The following SGPP2 variants were observed in gnomAD, a reference collection of about 807,000 sequenced individuals.
SGPP2 encodes sphingosine-1-phosphate phosphatase 2, also known as sphingosine 1-phosphate phosphohydrolase 2.
Under a neutral mutation model 33.9 loss-of-function variants are expected in SGPP2, and 30 were observed. That is an observed-to-expected ratio of 0.89 (90% CI 0.66 to 1.20). The LOEUF (loss-of-function observed/expected upper bound fraction) is 1.20, where lower values mean the gene tolerates loss of function less well. Among genes scored for constraint, SGPP2 ranks in the 50% most tolerant of loss-of-function variants. The pLI is 0.00. For missense variants in SGPP2, 458 were observed against 532.1 expected, an observed-to-expected ratio of 0.86 and a Z score of 1.37; for synonymous variants, 233 against 225.0, an observed-to-expected ratio of 1.04 and a Z score of -0.32.
chr2:222,525,255 A>G (rs1698741466), intron 4 of SGPP2, among the ~76,000 whole-genome samples: 1 of 152,256 alleles, frequency 6.6e-6, no homozygotes. Context: ...CTGAACCCTC[A>G]AGATTTTGAA....
chr2:222,484,949 C>G (rs886410979), intron 2 of SGPP2, among the ~76,000 whole-genome samples: 2 of 152,122 alleles, frequency 1.3e-5, no homozygotes, highest in African/African-American at 4.8e-5. Flanking sequence ...GCAAAGCTGC[C>G]GTCTTGAATT....
chr2:222,536,471 G>A (rs1698916743), intron 4 of SGPP2, among the ~76,000 whole-genome samples: 1 of 152,168 alleles, frequency 6.6e-6, no homozygotes, highest in Non-Finnish European at 1.5e-5. Flanking sequence ...CCTGAGGTCA[G>A]GAGTTCGAGA....
At chr2:222,535,377 CAA>C (rs59455252) in intron 4 of SGPP2, among the ~76,000 whole-genome samples, 58 of 106,806 alleles carry the variant, frequency 5.4e-4, no homozygotes, top group East Asian at 2.6e-3. Flanking sequence ...GACTCTGTCT[CAA>C]AAAAAAAAAA....
rs2106099305 is a variant in SGPP2, at chr2:222,477,549, G to T, written c.378+2823G>T. On this transcript the variant is annotated intron_variant, in intron 2 of 4. Coordinates refer to ENST00000321276, the MANE Select transcript of SGPP2 (RefSeq NM_152386.4). This position sits in a 1 kb window ranked among gnomAD's most constrained non-coding sequence, Gnocchi z 6.0. The stretch of plus-strand genomic sequence containing the variant: ...TATATATGTGTATTTGTGTTTATAG[G>T]TGTGTATATATGTGTGAGTGTATGT... Among the ~76,000 whole-genome samples, 1 of 151,870 alleles carries T rather than the reference G, an allele frequency of 6.6e-6. No individual in the cohort carries two copies. Among genetic ancestry groups the T allele is most frequent in the South Asian group, 2.1e-4 (1 of 4,812 alleles).
rs1053362312 is a variant in SGPP2, at chr2:222,478,275, G to A, written c.378+3549G>A. ...CGTGTATGTGCATGCATTTGTGTGT[G>A]TGTGTGTGTGTGTGTGTGTGTATAC... On this transcript the variant is annotated intron_variant, in intron 2 of 4. Coordinates refer to ENST00000321276, the MANE Select transcript of SGPP2 (RefSeq NM_152386.4). Among the ~76,000 whole-genome samples the A allele has an allele frequency of 4.4e-4, 66 of 150,902 alleles. 1 individual carries two copies. Among genetic ancestry groups the A allele is most frequent in the African/African-American group, 1.6e-3 (64 of 41,248 alleles).
chr2:222,506,891 T>A (rs1051748236), intron 2 of SGPP2, among the ~76,000 whole-genome samples: 1 of 151,516 alleles, frequency 6.6e-6, no homozygotes, highest in African/African-American at 2.4e-5. Context: ...ATATATATAT[T>A]AAAAAAAAGA....
intron 1 of SGPP2, among the ~76,000 whole-genome samples, chr2:222,443,825 G>T (rs965223907): frequency 6.6e-5 from 10 of 152,162 alleles, no homozygotes; most frequent in Admixed American, 2.6e-4. Flanking sequence ...GGCTAAGATG[G>T]TGCTTGGCTT....
At chr2:222,443,560 T>C (rs1697356469) in intron 1 of SGPP2, among the ~76,000 whole-genome samples, 1 of 152,238 alleles carries the variant, frequency 6.6e-6, no homozygotes, top group African/African-American at 2.4e-5. Context: ...ATGACAATTT[T>C]CTTTCCTGTT....
intron 1 of SGPP2, among the ~76,000 whole-genome samples, chr2:222,432,529 G>A (rs1161564172): frequency 6.6e-6 from 1 of 152,212 alleles, no homozygotes; most frequent in African/African-American, 2.4e-5. Context: ...ATCCAATTAA[G>A]ATCATGCATA....
chr2:222,525,332 A>G (rs1698742745), intron 4 of SGPP2, among the ~76,000 whole-genome samples: 1 of 152,184 alleles, frequency 6.6e-6, no homozygotes, highest in African/African-American at 2.4e-5. Flanking sequence ...ACGATGCAGC[A>G]AGCAGTTCAG....
In SGPP2 at chr2:222,500,141, G is replaced by A. The variant is rs561217759; in HGVS notation, c.379-21626G>A. Among the ~76,000 whole-genome samples, 4 of 152,294 alleles carry A rather than the reference G, an allele frequency of 2.6e-5. No individual in the cohort carries two copies. The Middle Eastern group carries it at 0.01, about 389-fold the overall frequency. On this transcript the variant is annotated intron_variant, in intron 2 of 4. Coordinates refer to ENST00000321276, the MANE Select transcript of SGPP2 (RefSeq NM_152386.4). Reference sequence around the variant, plus strand: ...ACTCTGTCACATAAGGAAGAAGGTTGAGAAATTTCCTAGGAGAGAGGTTAA... The same window carrying A: ...ACTCTGTCACATAAGGAAGAAGGTTAAGAAATTTCCTAGGAGAGAGGTTAA...
chr2:222,462,388 T>G (rs1422231269), intron 1 of SGPP2, among the ~76,000 whole-genome samples: 3 of 152,080 alleles, frequency 2.0e-5, no homozygotes, highest in Non-Finnish European at 4.4e-5. Context: ...TAGAAGACCC[T>G]TGGGTGACAA....
At chr2:222,496,073 G>C (rs6436321) in intron 2 of SGPP2, among the ~76,000 whole-genome samples, 131,914 of 152,230 alleles carry the variant, frequency 0.87, 58,027 homozygotes, top group East Asian at 1. Context: ...ATAGTGCCCC[G>C]ACTCCCTTCG....
intron 3 of SGPP2, among the ~76,000 whole-genome samples, chr2:222,524,020 A>G (rs994768224): frequency 6.6e-6 from 1 of 152,204 alleles, no homozygotes; most frequent in African/African-American, 2.4e-5. Flanking sequence ...CAGCTGTGTG[A>G]CCTCAGGCAG....
intron 1 of SGPP2, among the ~76,000 whole-genome samples, chr2:222,444,133 CTT>C (rs944123745): frequency 6.6e-6 from 1 of 152,198 alleles, no homozygotes; most frequent in African/African-American, 2.4e-5. Context: ...AAATTCCTCT[CTT>C]GTTGTAGAGC....
chr2:222,424,540 GGTGCCAGCGGAGGGCACCGGCCCGGC>G, exon 1 of SGPP2: 1 of 1,106,408 alleles, frequency 9.0e-7, no homozygotes, highest in Middle Eastern at 3.5e-4. Flanking sequence ...CGGGAGTGGC[GGTGCCAGCGGAGGGCACCGGCCCGGC>G]GTGGCAGCGG....
intron 2 of SGPP2, among the ~76,000 whole-genome samples, chr2:222,499,857 G>A (rs900775408): frequency 6.6e-6 from 1 of 152,108 alleles, no homozygotes; most frequent in Non-Finnish European, 1.5e-5. Flanking sequence ...GCCTTCCATG[G>A]AACTGACTAG....
chr2:222,558,377 C>G lies in SGPP2; in HGVS notation c.679C>G (p.Leu227Val). The G allele has an allele frequency of 6.2e-7, 1 of 1,614,134 alleles. No homozygotes were observed. The highest frequency in any genetic ancestry group is 8.5e-7 in the Non-Finnish European group (1 of 1,179,988). ...GCTGGGTGGCGTCCTGATCACCGCA[C>G]TCCTCATCGTCCTCACCTACCCTGC... Reference protein sequence around the residue: ...DVLGGVLITALLIVLTYPAWT... With the variant: ...DVLGGVLITAVLIVLTYPAWT... Residue 227 changes from leucine (L) to valine (V), a missense_variant, in exon 5 of 5, where the codon CTC becomes GTC. Leu to Val is a conservative substitution (Grantham distance 32). Transcript: ENST00000321276.
At chr2:222,434,728 C>G (rs1238643422) in intron 1 of SGPP2, among the ~76,000 whole-genome samples, 3 of 152,010 alleles carry the variant, frequency 2.0e-5, no homozygotes, top group Non-Finnish European at 4.4e-5. Context: ...AACTGCCCAT[C>G]AAAGCAAAGA....
Sources: allele counts gnomAD v4.1 joint callset (sites outside exome capture counted in the v4.1 genomes callset), GRCh38; gene constraint gnomAD v4.1.1; non-coding constraint Gnocchi (gnomAD v3.1); transcripts MANE v1.5; gene names NCBI Gene and HGNC (gene_info 2026-07-23, HGNC 2026-07-21).